Variants in APLF observed in about 807,000 individuals in gnomAD.
APLF encodes the protein aprataxin and PNKP like factor.
APLF carries 61 observed loss-of-function variants against 55.6 expected under a neutral mutation model. The ratio of observed to expected loss-of-function variants is 1.10; its 90% confidence interval spans 0.89 to 1.36. APLF has a LOEUF of 1.36. Ranked by LOEUF, APLF falls within the 40% of genes most tolerant of loss-of-function variation. The pLI, the probability that APLF is intolerant of heterozygous loss-of-function variation, is 0.00. For synonymous variants in APLF, 207 were observed against 214.8 expected, an observed-to-expected ratio of 0.96 and a Z score of 0.32; for missense variants, 611 against 602.5, an observed-to-expected ratio of 1.01 and a Z score of -0.15.
intron 9 of APLF, among the ~76,000 whole-genome samples, chr2:68,572,476 G>A (rs963681261): frequency 5.3e-5 from 8 of 152,180 alleles, no homozygotes; most frequent in Non-Finnish European, 4.4e-5. Context: ...AATTATCAAT[G>A]TTAAGCTATT....
Position 68,537,861 on chromosome 2 carries a change from T to C in APLF, c.805-11T>C, listed in dbSNP as rs1157165523. 2 of 1,520,580 alleles carry C rather than the reference T, an allele frequency of 1.3e-6. No homozygotes were observed. Among genetic ancestry groups the C allele is most frequent in the Non-Finnish European group, 1.8e-6 (2 of 1,124,856 alleles). The allele number at this position is 1,520,580 out of a possible 1,614,324, so 94.2% of individuals were successfully genotyped here. A position where few individuals can be genotyped will look rare whatever the true frequency, so the allele number is the denominator to read the frequency against. ...CATTTATTTCTGATGTTTTTCATAT[T>C]TGTTTTACAGGAAATGCCACAATCA... On this transcript the variant is annotated splice_polypyrimidine_tract_variant and intron_variant, in intron 6 of 9. Coordinates refer to ENST00000303795, the MANE Select transcript of APLF (RefSeq NM_173545.3).
chr2:68,502,851 AT>A lies in APLF; in HGVS notation c.293del (p.Phe98SerfsTer16). 2 of 1,606,958 alleles carry A rather than the reference AT, an allele frequency of 1.2e-6. No individual in the cohort carries two copies. The highest frequency in any genetic ancestry group is 2.3e-5 in the East Asian group (1 of 44,230). ...CTTTTCTTTGTTAGTTGACAAATAC[AT>A]TTTCCGCATTCTCTCTATACCCTCT... ...DSFSLLVDKYIFRILSIPSEV... is the reference protein window; with the variant it reads ...DSFSLLVDKYXFRILSIPSEV... On this transcript the variant is annotated frameshift_variant, in exon 3 of 10. Transcript: ENST00000303795. LOFTEE classifies it high-confidence loss of function.
intron 1 of APLF, among the ~76,000 whole-genome samples, chr2:68,482,986 G>C (rs1377742709): frequency 1.3e-5 from 2 of 151,600 alleles, no homozygotes; most frequent in Admixed American, 1.3e-4. Flanking sequence ...CAGTACCAGA[G>C]TCATGACTGT....
chr2:68,555,352 C>T (rs1034009412), intron 8 of APLF, among the ~76,000 whole-genome samples: 2 of 152,170 alleles, frequency 1.3e-5, no homozygotes, highest in African/African-American at 4.8e-5. Context: ...GCAAAAGCAA[C>T]AGTCAGCAGA....
At chr2:68,560,270 A>G (rs1010741833) in intron 8 of APLF, among the ~76,000 whole-genome samples, 2 of 152,090 alleles carry the variant, frequency 1.3e-5, no homozygotes, top group Non-Finnish European at 2.9e-5. Flanking sequence ...CTTGTTTACT[A>G]CTGACTGAGT....
intron 8 of APLF, among the ~76,000 whole-genome samples, chr2:68,555,215 C>G (rs190260970): frequency 1.3e-5 from 2 of 152,060 alleles, no homozygotes; most frequent in East Asian, 3.9e-4. Context: ...TTATAGAAGA[C>G]AAAACTGGAA....
At position 68,578,485 on chromosome 2, in the gene APLF, T is replaced by C; in HGVS notation, c.*463T>C. The C allele has an allele frequency of 1.0e-6, 1 of 987,254 alleles. No homozygotes were observed. The highest frequency in any genetic ancestry group is 1.2e-6 in the Non-Finnish European group (1 of 831,308). The allele number at this position is 987,254 out of a possible 1,614,324, so 61.2% of individuals were successfully genotyped here. ...GGCTTTAAAAAATGCAGCCATTACA[T>C]AATGGCGTTTTTTTTCTAGTACCTT... On this transcript the variant is annotated 3_prime_UTR_variant, in exon 10 of 10. Transcript: ENST00000303795.
intron 6 of APLF, among the ~76,000 whole-genome samples, chr2:68,536,697 G>C (rs966229093): frequency 1.3e-5 from 2 of 152,106 alleles, no homozygotes; most frequent in Non-Finnish European, 2.9e-5. Context: ...CTTCAGTTTG[G>C]TTAAACTCAA....
chr2:68,478,785 G>T (rs1006663124), intron 1 of APLF, among the ~76,000 whole-genome samples: 1 of 152,116 alleles, frequency 6.6e-6, no homozygotes, highest in Admixed American at 6.5e-5. Flanking sequence ...GGGATTTAAG[G>T]CAGGAAAGGA....
chr2:68,551,626 A>G (rs1019560357), intron 8 of APLF, among the ~76,000 whole-genome samples: 67 of 131,662 alleles, frequency 5.1e-4, no homozygotes, highest in Non-Finnish European at 1.7e-4. Context: ...TTTTTGGCCA[A>G]TTCTAATTTT....
intron 5 of APLF, 153 bp downstream of exon 5, chr2:68,513,833 T>G: frequency 1.1e-6 from 1 of 874,496 alleles, no homozygotes. Context: ...GTTGTGAACA[T>G]GAAGTCTAAA....
At chr2:68,517,259 TTAA>T (rs1475597125) in intron 5 of APLF, among the ~76,000 whole-genome samples, 1 of 107,518 alleles carries the variant, frequency 9.3e-6, no homozygotes, top group Non-Finnish European at 1.8e-5. Flanking sequence ...ATATAATATA[TTAA>T]TATATGTCAT....
chr2:68,566,634 C>T (rs931329064), intron 8 of APLF, among the ~76,000 whole-genome samples: 3 of 152,050 alleles, frequency 2.0e-5, no homozygotes, highest in African/African-American at 7.2e-5. Flanking sequence ...GGGTACCAGT[C>T]AGTTTGGTCA....
intron 1 of APLF, among the ~76,000 whole-genome samples, chr2:68,486,877 A>G (rs1676192693): frequency 6.6e-6 from 1 of 152,148 alleles, no homozygotes; most frequent in African/African-American, 2.4e-5. Flanking sequence ...CTTGGTAATC[A>G]GTAAGTAAAC....
chr2:68,548,700 T>C, intron 8 of APLF, among the ~76,000 whole-genome samples: 1 of 151,948 alleles, frequency 6.6e-6, no homozygotes, highest in African/African-American at 2.4e-5. Context: ...TCATAGCTCA[T>C]GTTGTATATA....
intron 8 of APLF, among the ~76,000 whole-genome samples, chr2:68,564,722 T>G (rs1022525174): frequency 1.3e-5 from 2 of 152,034 alleles, no homozygotes; most frequent in Non-Finnish European, 2.9e-5. Flanking sequence ...AGGATTCCAA[T>G]GGGGTCTTTC....
rs1671687360 is a variant in APLF at position 68,578,652 on chromosome 2, AC to A, written c.*631del. On this transcript the variant is annotated 3_prime_UTR_variant, in exon 10 of 10. Transcript: ENST00000303795. ...TGTAGGGAATGTTATTTTGTGTTCC[AC>A]ATCTGCAATTTACTGTATGTTTGAA... 1.0e-6 allele frequency: 1 copy of A among 985,262 alleles called. No individual in the cohort carries two copies. The highest frequency in any genetic ancestry group is 1.2e-6 in the Non-Finnish European group (1 of 829,900). 61.0% of individuals were successfully genotyped at this position (985,262 alleles called of 1,614,324 possible).
At chr2:68,493,981 G>A (rs530078980) in intron 2 of APLF, among the ~76,000 whole-genome samples, 2 of 152,162 alleles carry the variant, frequency 1.3e-5, no homozygotes, top group Non-Finnish European at 2.9e-5. Flanking sequence ...GGTGGCGGGT[G>A]CCTGTAGTCC....
intron 8 of APLF, among the ~76,000 whole-genome samples, chr2:68,550,383 C>G (rs1044293638): frequency 6.6e-6 from 1 of 151,950 alleles, no homozygotes; most frequent in Non-Finnish European, 1.5e-5. Flanking sequence ...AGGCACCCAC[C>G]ACCACGCCCG....
Sources: gnomAD v4.1 joint callset for allele counts (sites outside exome capture counted in the v4.1 genomes callset) on GRCh38, gnomAD v4.1.1 for gene constraint, MANE v1.5 for transcripts, NCBI Gene and HGNC (gene_info 2026-07-23, HGNC 2026-07-21) for gene names.